Variants in DLGAP2 observed in about 807,000 individuals in gnomAD.
DLGAP2 encodes DLG associated protein 2.
Under a neutral mutation model 100.3 loss-of-function variants are expected in DLGAP2, and 26 were observed. The observed-to-expected ratio is 0.26, with a 90% CI of 0.19 to 0.36. The LOEUF (loss-of-function observed/expected upper bound fraction) is 0.36, where lower values mean the gene tolerates loss of function less well. DLGAP2 is among the 10% of genes least tolerant of loss of function. The probability of loss-of-function intolerance (pLI) is 1.00; values close to 1 mark genes in which losing one functional copy is unlikely to be tolerated. For synonymous variants in DLGAP2, 886 were observed against 630.1 expected (o/e 1.41, Z -6.08); for missense variants, 1,858 against 1,453.2 (o/e 1.28, Z -4.53).
chr8:1,041,128 G>A (rs1684262397), intron 2 of DLGAP2, among the ~76,000 whole-genome samples: 1 of 152,134 alleles, frequency 6.6e-6, no homozygotes, highest in Non-Finnish European at 1.5e-5. Context: ...AATGGATATG[G>A]TTAATTTTAA....
intron 3 of DLGAP2, among the ~76,000 whole-genome samples, chr8:1,368,152 T>C (rs1205974310): frequency 6.6e-6 from 1 of 152,180 alleles, no homozygotes; most frequent in Non-Finnish European, 1.5e-5. Flanking sequence ...TATGTATTTG[T>C]AGTGCACATA....
chr8:1,103,168 G>A (rs1003664627), intron 2 of DLGAP2, among the ~76,000 whole-genome samples: 5 of 152,178 alleles, frequency 3.3e-5, no homozygotes, highest in Admixed American at 6.5e-5. Flanking sequence ...GGAGGTGGCC[G>A]TGAGTCCCGG....
chr8:751,589 C>G (rs994520412), intron 1 of DLGAP2, among the ~76,000 whole-genome samples: 1 of 151,740 alleles, frequency 6.6e-6, no homozygotes, highest in African/African-American at 2.4e-5. Flanking sequence ...ATAGTAAGTC[C>G]TTATAATAAG....
chr8:980,415 A>G (rs1039639720), intron 2 of DLGAP2, among the ~76,000 whole-genome samples: 2 of 152,202 alleles, frequency 1.3e-5, no homozygotes, highest in African/African-American at 2.4e-5. Context: ...AAAGTCAACT[A>G]TTGCAGTTAA....
chr8:1,302,070 G>A (rs560037667), intron 3 of DLGAP2: 2 of 152,438 alleles, frequency 1.3e-5, no homozygotes, highest in South Asian at 2.1e-4. Context: ...GGGGAAAAGG[G>A]TGCCTGTAGC....
chr8:1,167,389 A>C (rs1797037993), intron 2 of DLGAP2, among the ~76,000 whole-genome samples: 1 of 152,084 alleles, frequency 6.6e-6, no homozygotes, highest in African/African-American at 2.4e-5. Context: ...AGGAAGAAAA[A>C]GGCAGAGAGG....
intron 3 of DLGAP2, among the ~76,000 whole-genome samples, chr8:1,440,028 G>T (rs867166736): frequency 1.4e-4 from 22 of 152,314 alleles, no homozygotes; most frequent in African/African-American, 5.3e-4. Context: ...AGGATGTAAA[G>T]ATACAGATGT....
intron 6 of DLGAP2, chr8:1,622,085 C>A (rs1412600689): frequency 6.6e-6 from 1 of 152,206 alleles, no homozygotes; most frequent in African/African-American, 2.4e-5. Context: ...CTAAGAATTT[C>A]CATTTTGCAG....
chr8:879,084 T>C (rs1325505430), intron 1 of DLGAP2, among the ~76,000 whole-genome samples: 1 of 152,236 alleles, frequency 6.6e-6, no homozygotes, highest in Non-Finnish European at 1.5e-5. Context: ...GATTACATTA[T>C]GTTCTTTATT....
At chr8:897,184 A>C (rs940644058) in intron 1 of DLGAP2, among the ~76,000 whole-genome samples, 1 of 152,154 alleles carries the variant, frequency 6.6e-6, no homozygotes, top group Non-Finnish European at 1.5e-5. Context: ...CGTGTAAAAC[A>C]TGATCGTGGC....
chr8:1,234,499 G>A (rs1798602881), intron 2 of DLGAP2, among the ~76,000 whole-genome samples: 1 of 152,074 alleles, frequency 6.6e-6, no homozygotes, highest in African/African-American at 2.4e-5. Context: ...CCAGGATTAG[G>A]GTGACCTCTC....
intron 1 of DLGAP2, among the ~76,000 whole-genome samples, chr8:793,391 C>T (rs548132713): frequency 1.3e-5 from 2 of 152,298 alleles, no homozygotes; most frequent in South Asian, 4.1e-4. Flanking sequence ...TTCCTCCTCC[C>T]CTCGCCCTGA....
At chr8:1,691,291 T>G (rs1314332015) in intron 12 of DLGAP2, among the ~76,000 whole-genome samples, 1 of 152,164 alleles carries the variant, frequency 6.6e-6, no homozygotes, top group African/African-American at 2.4e-5. Context: ...CTTTCTAAAC[T>G]AAGTTTCTCC....
chr8:1,465,676 C>T (rs759856069), intron 3 of DLGAP2, among the ~76,000 whole-genome samples: 2 of 152,212 alleles, frequency 1.3e-5, no homozygotes, highest in African/African-American at 4.8e-5. Flanking sequence ...ACTGGATGGG[C>T]GTGACTGAGG....
intron 2 of DLGAP2, among the ~76,000 whole-genome samples, chr8:1,105,644 C>A (rs1333824915): frequency 3.4e-5 from 5 of 146,028 alleles, no homozygotes; most frequent in African/African-American, 1.0e-4. Flanking sequence ...CTGAAGGGAG[C>A]CATTCTAGGA....
chr8:1,311,630 A>AT (rs1335161581), intron 3 of DLGAP2, among the ~76,000 whole-genome samples: 1 of 152,160 alleles, frequency 6.6e-6, no homozygotes, highest in African/African-American at 2.4e-5. Context: ...GTTTAAGAAA[A>AT]TTAATTAACA....
chr8:1,429,060 A>C (rs1158652352), intron 3 of DLGAP2, among the ~76,000 whole-genome samples: 1 of 152,204 alleles, frequency 6.6e-6, no homozygotes, highest in Non-Finnish European at 1.5e-5. Flanking sequence ...GCAGTGTAGC[A>C]CTTCTCTAGG....
chr8:1,275,926 T>C (rs1799681191), intron 3 of DLGAP2, among the ~76,000 whole-genome samples: 1 of 121,496 alleles, frequency 8.2e-6, no homozygotes, highest in South Asian at 2.3e-4. Flanking sequence ...AATAAATATA[T>C]ATAGTATATA....
At chr8:1,359,946 C>G (rs903617396) in intron 3 of DLGAP2, among the ~76,000 whole-genome samples, 2 of 152,188 alleles carry the variant, frequency 1.3e-5, no homozygotes, top group African/African-American at 4.8e-5. Context: ...CAGGACCGTC[C>G]TGAGTTCGTG....
Sources: allele counts gnomAD v4.1 joint callset (sites outside exome capture counted in the v4.1 genomes callset), GRCh38; gene constraint gnomAD v4.1.1; transcripts MANE v1.5; gene names NCBI Gene and HGNC (gene_info 2026-07-23, HGNC 2026-07-21).